CCDC178: variants seen among roughly 807,000 people sequenced by gnomAD.
The protein encoded by CCDC178 is coiled-coil domain-containing protein 178.
Under a neutral mutation model 117.4 loss-of-function variants are expected in CCDC178, and 126 were observed. That is an observed-to-expected ratio of 1.07 (90% CI 0.93 to 1.24). The LOEUF is 1.24. Ranked by LOEUF, CCDC178 falls within the 50% of genes most tolerant of loss-of-function variation. The probability of loss-of-function intolerance (pLI) is 0.00; values close to 1 mark genes in which losing one functional copy is unlikely to be tolerated. For synonymous variants in CCDC178, 283 were observed against 313.4 expected, an observed-to-expected ratio of 0.90 and a Z score of 1.02; for missense variants, 1,030 against 986.9, an observed-to-expected ratio of 1.04 and a Z score of -0.59.
At chr18:32,943,106 G>A (rs1322730750) in intron 22 of CCDC178, among the ~76,000 whole-genome samples, 1 of 152,174 alleles carries the variant, frequency 6.6e-6, no homozygotes, top group Non-Finnish European at 1.5e-5. Context: ...GCTGAATGAT[G>A]AGGTTGCCTT....
chr18:33,316,306 G>A (rs779593813), intron 11 of CCDC178, among the ~76,000 whole-genome samples: 23 of 152,332 alleles, frequency 1.5e-4, no homozygotes, highest in Admixed American at 6.5e-4. Flanking sequence ...AGCTGGGAGG[G>A]CCCCACACTC....
chr18:33,202,338 A>C (rs1319759179), intron 20 of CCDC178, among the ~76,000 whole-genome samples: 1 of 127,516 alleles, frequency 7.8e-6, no homozygotes, highest in Non-Finnish European at 1.6e-5. Context: ...GGTTGCAGTG[A>C]GCCGAGATCG....
intron 22 of CCDC178, among the ~76,000 whole-genome samples, chr18:32,953,833 GT>G (rs2054538799): frequency 6.6e-6 from 1 of 151,936 alleles, no homozygotes; most frequent in Non-Finnish European, 1.5e-5. Context: ...ATATTTACTT[GT>G]AAATAATAAC....
At chr18:32,948,918 G>A (rs8099441) in intron 22 of CCDC178, among the ~76,000 whole-genome samples, 143,737 of 152,080 alleles carry the variant, frequency 0.95, 68,216 homozygotes, top group Non-Finnish European at 0.99. Flanking sequence ...TTCATTTAAC[G>A]TTTCTTGTAG....
At chr18:33,432,478 T>TACACACACACAC (rs56111462) in intron 2 of CCDC178, among the ~76,000 whole-genome samples, 110 of 143,406 alleles carry the variant, frequency 7.7e-4, no homozygotes, top group African/African-American at 2.8e-3. Flanking sequence ...GCCTTCTCCA[T>TACACACACACAC]ACACACACAC....
At chr18:33,247,372 A>C (rs1034143768) in intron 14 of CCDC178, among the ~76,000 whole-genome samples, 2 of 151,892 alleles carry the variant, frequency 1.3e-5, no homozygotes, top group Non-Finnish European at 2.9e-5. Flanking sequence ...TTTGACACAC[A>C]GCAGAAATTA....
chr18:33,021,931 T>A (rs2056128085), intron 21 of CCDC178, among the ~76,000 whole-genome samples: 1 of 152,200 alleles, frequency 6.6e-6, no homozygotes, highest in African/African-American at 2.4e-5. Flanking sequence ...TTTATATTTT[T>A]TAAATTATTT....
At chr18:32,980,429 G>A (rs898833247) in intron 21 of CCDC178, among the ~76,000 whole-genome samples, 1 of 151,854 alleles carries the variant, frequency 6.6e-6, no homozygotes, top group African/African-American at 2.4e-5. Flanking sequence ...AAATTAGCCG[G>A]GCGCAGTGGC....
chr18:33,104,688 A>T (rs1204538954), intron 20 of CCDC178, among the ~76,000 whole-genome samples: 1 of 151,728 alleles, frequency 6.6e-6, no homozygotes, highest in Non-Finnish European at 1.5e-5. Context: ...ACAAAATGAA[A>T]CACTTCAGGT....
intron 21 of CCDC178, among the ~76,000 whole-genome samples, chr18:33,019,998 T>C (rs1463039718): frequency 1.3e-5 from 2 of 150,486 alleles, no homozygotes; most frequent in African/African-American, 4.9e-5. Flanking sequence ...CAGGCTTGAG[T>C]GCAGTGGTGC....
chr18:33,004,856 T>C (rs2055716220), intron 21 of CCDC178, among the ~76,000 whole-genome samples: 1 of 152,084 alleles, frequency 6.6e-6, no homozygotes, highest in African/African-American at 2.4e-5. Flanking sequence ...AACAGGTATA[T>C]GAAAAGGTGC....
In CCDC178 at chr18:33,387,646, C is replaced by A. The variant is rs529759500; in HGVS notation, c.208+1894G>T. On this transcript the variant is annotated intron_variant, in intron 5 of 22. Transcript: ENST00000383096. ...TATTTAATAAATGATGCTGGGAGAA[C>A]TGGCTAGCCATATGCAGAAAACTGA... Among the ~76,000 whole-genome samples, 12 of 152,286 alleles carry A rather than the reference C, an allele frequency of 7.9e-5. No individual in the cohort carries two copies. In the South Asian group the frequency reaches 2.5e-3, roughly 32 times the overall value.
intron 20 of CCDC178, among the ~76,000 whole-genome samples, chr18:33,111,627 GA>G (rs1407141787): frequency 6.6e-6 from 1 of 151,562 alleles, no homozygotes; most frequent in Non-Finnish European, 1.5e-5. Context: ...ATGGATAACA[GA>G]AAAATAACCA....
At chr18:33,101,187 G>A (rs915480295) in intron 20 of CCDC178, among the ~76,000 whole-genome samples, 1 of 151,338 alleles carries the variant, frequency 6.6e-6, no homozygotes, top group Non-Finnish European at 1.5e-5. Context: ...CATATTTGAT[G>A]TTATGCCCTT....
At chr18:33,090,165 T>G (rs1484861373) in intron 21 of CCDC178, among the ~76,000 whole-genome samples, 2 of 152,164 alleles carry the variant, frequency 1.3e-5, no homozygotes, top group Non-Finnish European at 2.9e-5. Context: ...TTGTGTCAAG[T>G]AAGGGGACAT....
At chr18:33,211,846 G>C (rs1194526369) in intron 20 of CCDC178, 50 bp downstream of exon 20, 23 of 1,471,456 alleles carry the variant, frequency 1.6e-5, no homozygotes, top group Non-Finnish European at 2.1e-5. Flanking sequence ...CTGCTAATTT[G>C]ACTATCACTA....
intron 17 of CCDC178, 52 bp downstream of exon 17, chr18:33,224,723 T>A (rs1042943674): frequency 1.7e-6 from 2 of 1,150,402 alleles, no homozygotes; most frequent in African/African-American, 3.2e-5. Context: ...ATGCGTAACT[T>A]ACTAACGTAT....
chr18:33,044,508 AAAAC>A (rs1185511680), intron 21 of CCDC178, among the ~76,000 whole-genome samples: 4 of 152,048 alleles, frequency 2.6e-5, no homozygotes, highest in Non-Finnish European at 2.9e-5. Flanking sequence ...TATTATTAAA[AAAAC>A]AAACAAACAA....
intron 7 of CCDC178, among the ~76,000 whole-genome samples, chr18:33,350,707 C>T (rs1272690805): frequency 1.3e-5 from 2 of 152,044 alleles, no homozygotes; most frequent in Admixed American, 1.3e-4. Flanking sequence ...CACCTTTTGG[C>T]TATTGTGAAT....
Sources: allele counts gnomAD v4.1 joint callset (sites outside exome capture counted in the v4.1 genomes callset), GRCh38; gene constraint gnomAD v4.1.1; transcripts MANE v1.5; gene names NCBI Gene and HGNC (gene_info 2026-07-23, HGNC 2026-07-21).